Variants in MACROD2 observed in about 807,000 individuals in gnomAD.
MACROD2 encodes mono-ADP ribosylhydrolase 2, also known as ADP-ribose glycohydrolase MACROD2.
A neutral mutation model predicts 70.4 loss-of-function variants in MACROD2; 36 were observed. That is an observed-to-expected ratio of 0.51 (90% CI 0.39 to 0.68). The LOEUF (loss-of-function observed/expected upper bound fraction) is 0.68. MACROD2 is among the 30% of genes least tolerant of loss of function. The pLI is 0.00. For missense variants in MACROD2, 496 were observed against 538.4 expected, an observed-to-expected ratio of 0.92 and a Z score of 0.78; for synonymous variants, 172 against 178.8, an observed-to-expected ratio of 0.96 and a Z score of 0.30.
chr20:15,392,756 T>G (rs2045810145), intron 6 of MACROD2, among the ~76,000 whole-genome samples: 1 of 152,070 alleles, frequency 6.6e-6, no homozygotes, highest in Admixed American at 6.6e-5. Context: ...TTTTCCTCCC[T>G]GTTTTTCTTC....
intron 3 of MACROD2, among the ~76,000 whole-genome samples, chr20:14,381,729 T>C (rs2083422384): frequency 6.6e-6 from 1 of 152,202 alleles, no homozygotes; most frequent in Non-Finnish European, 1.5e-5. Context: ...ATTCTTTGTC[T>C]CTATTATGTT....
chr20:15,112,070 T>C lies in MACROD2; in HGVS notation c.419-117870T>C, dbSNP rs138110933. ...CTGATAAATACCACCCCTCTATTGT[T>C]CTCTGGGTGGAATCTGGCACCAGGG... On this transcript the variant is annotated intron_variant, in intron 5 of 17. Coordinates refer to ENST00000684519, the MANE Select transcript of MACROD2 (RefSeq NM_001351661.2). Among the ~76,000 whole-genome samples, 79 of 152,316 alleles carry C rather than the reference T, an allele frequency of 5.2e-4. 3 individuals are homozygous for C. The East Asian group carries it at 0.015, about 29-fold the overall frequency.
At chr20:15,521,581 T>C (rs1264766999) in intron 8 of MACROD2, among the ~76,000 whole-genome samples, 1 of 152,170 alleles carries the variant, frequency 6.6e-6, no homozygotes, top group Non-Finnish European at 1.5e-5. Context: ...TGCCTTTGGA[T>C]CTGGGAGACA....
chr20:15,148,824 G>C (rs1456645956), intron 5 of MACROD2, among the ~76,000 whole-genome samples: 1 of 152,016 alleles, frequency 6.6e-6, no homozygotes, highest in Admixed American at 6.5e-5. Context: ...GTTTTTAAAA[G>C]ACTTTTAGTC....
intron 5 of MACROD2, among the ~76,000 whole-genome samples, chr20:14,865,652 T>C (rs1385833534): frequency 2.6e-5 from 4 of 152,142 alleles, no homozygotes; most frequent in East Asian, 1.9e-4. Context: ...ACTTAATTAC[T>C]ACTACTATTG....
At chr20:15,063,480 G>C (rs956764639) in intron 5 of MACROD2, among the ~76,000 whole-genome samples, 9 of 152,306 alleles carry the variant, frequency 5.9e-5, no homozygotes, top group African/African-American at 2.2e-4. Context: ...AACATGACTG[G>C]CTGGGGGGAA....
chr20:15,877,556 C>A (rs890952181), intron 9 of MACROD2, among the ~76,000 whole-genome samples: 4 of 152,092 alleles, frequency 2.6e-5, no homozygotes, highest in Non-Finnish European at 5.9e-5. Context: ...AGGTATTCAA[C>A]TTAATGGCAG....
intron 3 of MACROD2, chr20:14,324,183 G>A (rs1472892007): frequency 1.3e-5 from 2 of 152,406 alleles, no homozygotes; most frequent in Non-Finnish European, 2.9e-5. Context: ...TCATATTTAA[G>A]GAGTATGAAA....
chr20:14,621,036 G>A (rs1260746325), intron 4 of MACROD2, among the ~76,000 whole-genome samples: 2 of 152,056 alleles, frequency 1.3e-5, no homozygotes, highest in African/African-American at 4.8e-5. Flanking sequence ...ATGAAATCAA[G>A]TACAGAGCGT....
intron 3 of MACROD2, among the ~76,000 whole-genome samples, chr20:14,315,457 A>T (rs1035413065): frequency 6.6e-6 from 1 of 152,220 alleles, no homozygotes; most frequent in Admixed American, 6.5e-5. Flanking sequence ...CTAGGTTTCA[A>T]GCATTGTTTT....
At chr20:16,029,230 G>T (rs2067120822) in intron 15 of MACROD2, among the ~76,000 whole-genome samples, 1 of 152,134 alleles carries the variant, frequency 6.6e-6, no homozygotes, top group Non-Finnish European at 1.5e-5. Context: ...ACAGTAACTT[G>T]CAGGTTGGGG....
intron 4 of MACROD2, among the ~76,000 whole-genome samples, chr20:14,584,388 A>G (rs1981236514): frequency 6.6e-6 from 1 of 152,172 alleles, no homozygotes; most frequent in Non-Finnish European, 1.5e-5. Context: ...TGGGTAGCTT[A>G]AACAACAAAC....
At chr20:14,071,867 C>G (rs559379194) in intron 2 of MACROD2, among the ~76,000 whole-genome samples, 2 of 152,122 alleles carry the variant, frequency 1.3e-5, no homozygotes, top group African/African-American at 2.4e-5. Flanking sequence ...GCCAGGAGTT[C>G]AAGACCAGCC....
chr20:14,881,056 A>C (rs1183706484), intron 5 of MACROD2, among the ~76,000 whole-genome samples: 1 of 152,158 alleles, frequency 6.6e-6, no homozygotes, highest in Non-Finnish European at 1.5e-5. Context: ...ATTAGGGCCT[A>C]CATGGCCTAC....
intron 3 of MACROD2, among the ~76,000 whole-genome samples, chr20:14,471,841 T>C (rs2084534519): frequency 6.6e-6 from 1 of 152,142 alleles, no homozygotes; most frequent in Admixed American, 6.5e-5. Flanking sequence ...TTATTAATCT[T>C]GAAAATGTAT....
chr20:15,239,375 AT>A (rs1256223560), intron 6 of MACROD2, among the ~76,000 whole-genome samples: 3 of 151,854 alleles, frequency 2.0e-5, no homozygotes, highest in Admixed American at 6.6e-5. Flanking sequence ...TGCAAAGAGG[AT>A]TTTTTTTAAT....
chr20:14,684,640 A>G (rs942851595), intron 4 of MACROD2, among the ~76,000 whole-genome samples: 1 of 98,386 alleles, frequency 1.0e-5, no homozygotes, highest in African/African-American at 4.8e-5. Context: ...TGTTCACCAC[A>G]TAACCTCACC....
chr20:15,538,514 T>G (rs1245096030), intron 8 of MACROD2, among the ~76,000 whole-genome samples: 1 of 152,218 alleles, frequency 6.6e-6, no homozygotes, highest in Non-Finnish European at 1.5e-5. Context: ...GAGTTTGAGA[T>G]GCTCATCAGA....
rs568275741 is a variant in MACROD2, at chr20:14,251,793, C to CA, written c.271+166068dup. On this transcript the variant is annotated intron_variant, in intron 3 of 17. Coordinates refer to ENST00000684519, the MANE Select transcript of MACROD2 (RefSeq NM_001351661.2). ...AAGACTGTTGAAGTGTAAAGTGTAC[C>CA]AAACTTAGACAAATACTAGAAAAAG... 6.6e-5 allele frequency among the ~76,000 whole-genome samples: 10 copies of CA among 152,058 alleles called. No homozygotes were observed. In the East Asian group the frequency reaches 1.9e-3, roughly 29 times the overall value.
Sources: allele counts gnomAD v4.1 joint callset (sites outside exome capture counted in the v4.1 genomes callset), GRCh38; gene constraint gnomAD v4.1.1; transcripts MANE v1.5; gene names NCBI Gene and HGNC (gene_info 2026-07-23, HGNC 2026-07-21).